CORO7: variants seen among roughly 807,000 people sequenced by gnomAD.
CORO7 encodes the protein coronin-7.
Under a neutral mutation model 126.6 loss-of-function variants are expected in CORO7, and 107 were observed. The ratio of observed to expected loss-of-function variants is 0.85; its 90% CI spans 0.72 to 0.99. The LOEUF (loss-of-function observed/expected upper bound fraction) is 0.99. Among genes scored for constraint, CORO7 ranks in the 50% least tolerant of loss-of-function variants. CORO7 has a pLI of 0.00. For synonymous variants in CORO7, 603 were observed against 536.8 expected (o/e 1.12, Z -1.70); for missense variants, 1,314 against 1,255.8 (o/e 1.05, Z -0.70).
chr16:4,406,320 G>A (rs563134723), intron 5 of CORO7, among the ~76,000 whole-genome samples: 1 of 151,888 alleles, frequency 6.6e-6, no homozygotes, highest in East Asian at 1.9e-4. Flanking sequence ...TTTTGAGACA[G>A]CATCTCACTC....
chr16:4,413,610 T>A, intron 1 of CORO7: 1 of 469,640 alleles, frequency 2.1e-6, no homozygotes, highest in Non-Finnish European at 3.8e-6. Flanking sequence ...CGATCTTGGA[T>A]CACTGCAATC....
chr16:4,381,831 C>T (rs778083157), intron 9 of CORO7: 1 of 1,601,368 alleles, frequency 6.2e-7, no homozygotes, highest in Admixed American at 1.7e-5. Context: ...AGAGCCACGT[C>T]ACACTGGCCA....
intron 9 of CORO7, chr16:4,381,156 C>A: frequency 6.2e-7 from 1 of 1,611,054 alleles, no homozygotes; most frequent in Non-Finnish European, 8.5e-7. Context: ...GCCTGCCCAG[C>A]GGGGTCTTCC....
intron 9 of CORO7, among the ~76,000 whole-genome samples, chr16:4,372,795 C>A (rs528615283): frequency 3.5e-4 from 53 of 152,204 alleles, no homozygotes; most frequent in Non-Finnish European, 4.3e-4. Context: ...GGGTCACTGA[C>A]CGCCTCCCCT....
In CORO7 at chr16:4,364,928, G is replaced by A. The variant is rs1441590569; in HGVS notation, c.899-8C>T. ...CCAGGACACACTGGGTCACTGTTGA[G>A]GACACCATAGGGGAACAGGCAGGAT... On this transcript the variant is annotated splice_region_variant and splice_polypyrimidine_tract_variant and intron_variant, in intron 11 of 27. Coordinates refer to ENST00000251166, the MANE Select transcript of CORO7 (RefSeq NM_024535.5). 6.2e-7 allele frequency: 1 copy of A among 1,609,792 alleles called. No individual in the cohort carries two copies. The highest frequency in any genetic ancestry group is 8.5e-7 in the Non-Finnish European group (1 of 1,178,624).
chr16:4,397,094 A>G (rs1362048587), intron 6 of CORO7, among the ~76,000 whole-genome samples: 7 of 151,984 alleles, frequency 4.6e-5, no homozygotes, highest in Admixed American at 4.6e-4. Flanking sequence ...TGAAATACTC[A>G]TGCTCCTCAA....
chr16:4,372,014 G>A (rs1412383734), intron 9 of CORO7: 1 of 152,202 alleles, frequency 6.6e-6, no homozygotes, highest in African/African-American at 2.4e-5. Flanking sequence ...GTGGGGCTGG[G>A]GGGCTGCGGG....
chr16:4,394,305 C>T (rs1480351778), intron 7 of CORO7, among the ~76,000 whole-genome samples: 1 of 152,010 alleles, frequency 6.6e-6, no homozygotes, highest in Non-Finnish European at 1.5e-5. Context: ...CAAAAATAGC[C>T]GGGCGTGGTG....
rs556045576 is a variant in CORO7 at position 4,362,712 on chromosome 16, C to T, written c.1302G>A (p.Ser434=). ...ASEGFSSPPS[S]LTSPSTPSSL... ...TGGAGGGCGTGGAGGGCGAGGTCAG[C>T]GAACTGGGAGGGGAAGAGAAACCCT... The change falls in exon 15 of 28, where the codon TCG becomes TCA. Residue 434 remains serine, a synonymous_variant. Transcript: ENST00000251166. The surrounding 1 kb of genome is among the most constrained non-coding windows in gnomAD (Gnocchi z 5.3). 3.3e-5 allele frequency: 47 copies of T among 1,441,598 alleles called. No homozygotes were observed. The highest frequency in any genetic ancestry group is 2.0e-4 in the Middle Eastern group (1 of 5,100). 89.3% of individuals were successfully genotyped at this position (1,441,598 alleles called of 1,614,324 possible).
intron 9 of CORO7, among the ~76,000 whole-genome samples, chr16:4,377,510 A>G (rs1042084305): frequency 3.3e-5 from 5 of 152,054 alleles, no homozygotes; most frequent in African/African-American, 1.2e-4. Flanking sequence ...ACAACAGAAA[A>G]CTACAACTCC....
chr16:4,409,806 G>T (rs2056135898), intron 3 of CORO7, among the ~76,000 whole-genome samples: 1 of 152,248 alleles, frequency 6.6e-6, no homozygotes, highest in Non-Finnish European at 1.5e-5. Flanking sequence ...GAGCTGAGAG[G>T]CTGAAGGGGC....
At chr16:4,357,001 G>T in intron 26 of CORO7, 167 bp downstream of exon 26, 2 of 935,694 alleles carry the variant, frequency 2.1e-6, no homozygotes, top group Non-Finnish European at 3.2e-6. Context: ...CGGGCCCCAT[G>T]GTCAGTGGTA....
chr16:4,411,709 C>T (rs2056216923), intron 3 of CORO7, among the ~76,000 whole-genome samples: 1 of 152,074 alleles, frequency 6.6e-6, no homozygotes, highest in Non-Finnish European at 1.5e-5. Context: ...GCATCAACTG[C>T]CTTCCCTCAC....
chr16:4,356,147 T>G (rs1308623931), intron 26 of CORO7, among the ~76,000 whole-genome samples: 2 of 151,664 alleles, frequency 1.3e-5, no homozygotes, highest in Non-Finnish European at 2.9e-5. Context: ...GAGACGAGGT[T>G]TCATCATGTT....
intron 6 of CORO7, among the ~76,000 whole-genome samples, chr16:4,399,723 G>A (rs75478983): frequency 2.8e-3 from 421 of 152,070 alleles, no homozygotes; most frequent in African/African-American, 8.0e-3. Context: ...GATCCCTGTC[G>A]CTACAGAAAA....
In CORO7 at chr16:4,364,329, C is replaced by T. The variant is rs771738728; in HGVS notation, c.1222G>A (p.Asp408Asn). 6.5e-7 allele frequency: 1 copy of T among 1,539,270 alleles called. No homozygotes were observed. The highest frequency in any genetic ancestry group is 1.3e-5 in the South Asian group (1 of 78,490). ...TCCATCACCGCAGGCTGGGCTGTGT[C>T]AGGGAGGGGCTCCGCAGGGGGCACC... ...CLVPPAEPLP[D>N]TAQPAVMETP... is the part of the protein sequence containing the mutation. The change falls in exon 14 of 28, where the codon GAC becomes AAC. Residue 408 changes from aspartate to asparagine, a missense_variant. Physicochemically the swap from Asp to Asn is conservative, Grantham distance 23. Transcript: ENST00000251166.
At chr16:4,361,292 C>A (rs373558104) in intron 17 of CORO7, 44 bp from the exon 18 acceptor site, 5 of 1,610,830 alleles carry the variant, frequency 3.1e-6, no homozygotes, top group Non-Finnish European at 4.2e-6. Flanking sequence ...AGCCCAAGAC[C>A]TCTGGGCTCC....
In CORO7 at chr16:4,374,791, C is replaced by T. The variant is rs1022857445; in HGVS notation, c.786-9246G>A. 2.6e-5 allele frequency among the ~76,000 whole-genome samples: 4 copies of T among 152,288 alleles called. No individual in the cohort carries two copies. In the South Asian group the frequency reaches 8.3e-4, roughly 32 times the overall value. ...TTCGGCATGGGGAGCTTGAGAAGGG[C>T]AAGACCCCTTCCAGGGCCACTTCCT... On this transcript the variant is annotated intron_variant, in intron 9 of 27. Coordinates refer to ENST00000251166, the MANE Select transcript of CORO7 (RefSeq NM_024535.5).
intron 6 of CORO7, 57 bp downstream of exon 6, chr16:4,405,434 T>C (rs887461058): frequency 1.9e-6 from 3 of 1,553,520 alleles, no homozygotes; most frequent in South Asian, 1.2e-5. Context: ...GCCCAGGGGG[T>C]CCCAGCCCAG....
Sources: gnomAD v4.1 joint callset for allele counts (sites outside exome capture counted in the v4.1 genomes callset) on GRCh38, gnomAD v4.1.1 for gene constraint, Gnocchi (gnomAD v3.1) non-coding constraint, MANE v1.5 for transcripts, NCBI Gene and HGNC (gene_info 2026-07-23, HGNC 2026-07-21) for gene names.